Variants in CNTN5 observed in about 807,000 individuals in gnomAD.
CNTN5 encodes contactin-5.
Under a neutral mutation model 129.1 loss-of-function variants are expected in CNTN5, and 77 were observed. The observed-to-expected ratio is 0.60, with a 90% CI of 0.50 to 0.72. The LOEUF (loss-of-function observed/expected upper bound fraction) is 0.72. Among genes scored for constraint, CNTN5 ranks in the 30% least tolerant of loss-of-function variants. The pLI is 0.00. For synonymous variants in CNTN5, 509 were observed against 465.6 expected, an observed-to-expected ratio of 1.09 and a Z score of -1.20; for missense variants, 1,478 against 1,328.8, an observed-to-expected ratio of 1.11 and a Z score of -1.75.
chr11:99,746,517 C>T (rs551001686), intron 3 of CNTN5, among the ~76,000 whole-genome samples: 1 of 152,198 alleles, frequency 6.6e-6, no homozygotes, highest in African/African-American at 2.4e-5. Flanking sequence ...GAGCAGCAGA[C>T]AAGCAAGCAT....
intron 13 of CNTN5, among the ~76,000 whole-genome samples, chr11:100,116,470 G>T (rs1945843669): frequency 1.3e-5 from 2 of 151,014 alleles, no homozygotes; most frequent in Admixed American, 6.6e-5. Context: ...GTATATTCAG[G>T]TATCACTGAT....
intron 1 of CNTN5, among the ~76,000 whole-genome samples, chr11:99,134,770 A>C (rs1859133077): frequency 6.6e-6 from 1 of 152,200 alleles, no homozygotes; most frequent in Admixed American, 6.5e-5. Context: ...ATGTATGAAA[A>C]CGCTATATTG....
At chr11:99,784,869 G>A (rs140057308) in intron 3 of CNTN5, among the ~76,000 whole-genome samples, 170 of 137,256 alleles carry the variant, frequency 1.2e-3, no homozygotes, top group African/African-American at 4.2e-3. Flanking sequence ...ACGCGATCTC[G>A]ACTCACTGCA....
At chr11:100,191,011 T>C (rs1164126663) in intron 13 of CNTN5, 115 bp from the exon 14 acceptor site, 13 of 590,916 alleles carry the variant, frequency 2.2e-5, no homozygotes, top group Non-Finnish European at 3.7e-5. Context: ...TTCACAGTGA[T>C]CCTTTATCTT....
At chr11:99,743,775 G>A (rs1591077957) in intron 3 of CNTN5, among the ~76,000 whole-genome samples, 1 of 152,068 alleles carries the variant, frequency 6.6e-6, no homozygotes, top group East Asian at 1.9e-4. Context: ...AATGATAAAG[G>A]CAAGTCATTT....
At chr11:99,236,475 C>G (rs10564142) in intron 1 of CNTN5, among the ~76,000 whole-genome samples, 1 of 11,898 alleles carries the variant, frequency 8.4e-5, no homozygotes, top group Non-Finnish European at 2.8e-4. Context: ...CACAAACACA[C>G]ACACACACAC....
At chr11:99,597,075 T>A (rs1950149140) in intron 3 of CNTN5, among the ~76,000 whole-genome samples, 1 of 152,186 alleles carries the variant, frequency 6.6e-6, no homozygotes. Flanking sequence ...GATCTCAACT[T>A]CTTGATGCGT....
intron 2 of CNTN5, among the ~76,000 whole-genome samples, chr11:99,514,791 TATG>T (rs2135421190): frequency 6.6e-6 from 1 of 152,234 alleles, no homozygotes; most frequent in African/African-American, 2.4e-5. Context: ...CTTGTTTTAC[TATG>T]ATATTTGCTT....
At chr11:99,022,957 C>A (rs1484344616) in intron 1 of CNTN5, among the ~76,000 whole-genome samples, 1 of 152,084 alleles carries the variant, frequency 6.6e-6, no homozygotes, top group Non-Finnish European at 1.5e-5. Flanking sequence ...AAGTTAGATT[C>A]TTAAAAGTTA....
chr11:100,108,287 C>T (rs1434007666), intron 13 of CNTN5, among the ~76,000 whole-genome samples: 1 of 151,980 alleles, frequency 6.6e-6, no homozygotes, highest in Non-Finnish European at 1.5e-5. Flanking sequence ...TAAAATACAA[C>T]ATAAGTACTG....
intron 3 of CNTN5, among the ~76,000 whole-genome samples, chr11:99,581,350 G>A (rs371183547): frequency 7.1e-4 from 94 of 132,742 alleles, no homozygotes; most frequent in South Asian, 1.0e-3. Flanking sequence ...TATTAGGTCC[G>A]CTTGGTGCAG....
intron 9 of CNTN5, among the ~76,000 whole-genome samples, chr11:100,042,338 T>G (rs1211735519): frequency 6.6e-6 from 1 of 152,112 alleles, no homozygotes; most frequent in Non-Finnish European, 1.5e-5. Context: ...TTATAAAACT[T>G]GGTTCTTTCA....
intron 1 of CNTN5, among the ~76,000 whole-genome samples, chr11:99,280,990 G>C (rs1863670074): frequency 6.6e-6 from 1 of 151,520 alleles, no homozygotes; most frequent in Non-Finnish European, 1.5e-5. Context: ...AAAATTTCTA[G>C]TAAATCACAA....
chr11:99,544,154 C>T (rs958747496), intron 2 of CNTN5, among the ~76,000 whole-genome samples: 9 of 152,124 alleles, frequency 5.9e-5, no homozygotes, highest in South Asian at 4.1e-4. Context: ...GCCTTTACTA[C>T]GGTGGAAGGT....
chr11:99,995,227 A>G (rs1015076826), intron 8 of CNTN5, among the ~76,000 whole-genome samples: 2 of 152,134 alleles, frequency 1.3e-5, no homozygotes, highest in Non-Finnish European at 2.9e-5. Context: ...CTGATCTGTC[A>G]GAGATGGTAC....
intron 7 of CNTN5, 149 bp downstream of exon 7, chr11:99,916,298 G>T: frequency 1.7e-6 from 1 of 592,392 alleles, no homozygotes; most frequent in East Asian, 2.8e-5. Flanking sequence ...AGTAATTCAA[G>T]ATCACGTACT....
At chr11:99,384,202 G>A (rs113728712) in intron 2 of CNTN5, among the ~76,000 whole-genome samples, 3 of 152,250 alleles carry the variant, frequency 2.0e-5, no homozygotes, top group African/African-American at 7.2e-5. Flanking sequence ...CATTTCAAGA[G>A]AGACACTGTT....
chr11:99,550,249 A>G (rs1296145543), intron 2 of CNTN5, among the ~76,000 whole-genome samples: 1 of 152,166 alleles, frequency 6.6e-6, no homozygotes, highest in African/African-American at 2.4e-5. Context: ...CAATCTGGCT[A>G]AATTTGAAAG....
chr11:99,586,313 A>T (rs1949791971), intron 3 of CNTN5, among the ~76,000 whole-genome samples: 1 of 152,210 alleles, frequency 6.6e-6, no homozygotes, highest in Admixed American at 6.5e-5. Context: ...TTCTCAGCAT[A>T]ATAACTGACA....
Sources: gnomAD v4.1 joint callset for allele counts (sites outside exome capture counted in the v4.1 genomes callset) on GRCh38, gnomAD v4.1.1 for gene constraint, MANE v1.5 for transcripts, NCBI Gene and HGNC (gene_info 2026-07-23, HGNC 2026-07-21) for gene names.